The following KAZN variants were observed in gnomAD, a reference collection of about 807,000 sequenced individuals.
The protein encoded by KAZN is kazrin.
A neutral mutation model predicts 87.4 loss-of-function variants in KAZN; 40 were observed. That is an observed-to-expected ratio of 0.46 (90% confidence interval 0.36 to 0.60). The LOEUF is 0.60. Ranked by LOEUF, KAZN falls within the 20% of genes least tolerant of loss-of-function variation. The pLI is 0.00. For missense variants in KAZN, 898 were observed against 1,073.9 expected, an observed-to-expected ratio of 0.84 and a Z score of 2.29; for synonymous variants, 466 against 458.3, an observed-to-expected ratio of 1.02 and a Z score of -0.22.
At chr1:14,256,789 T>A (rs1650550228) in intron 2 of KAZN, among the ~76,000 whole-genome samples, 1 of 152,202 alleles carries the variant, frequency 6.6e-6, no homozygotes, top group Admixed American at 6.5e-5. Context: ...TGGCACAGGA[T>A]AGTAAACCTA....
intron 2 of KAZN, among the ~76,000 whole-genome samples, chr1:14,524,569 C>T (rs747548972): frequency 2.6e-5 from 4 of 152,162 alleles, no homozygotes; most frequent in South Asian, 2.1e-4. Context: ...ATTTTAAACA[C>T]TATTTTATGG....
intron 1 of KAZN, among the ~76,000 whole-genome samples, chr1:14,755,721 C>T (rs1644543996): frequency 1.3e-5 from 2 of 152,184 alleles, no homozygotes; most frequent in East Asian, 1.9e-4. Context: ...CAGGGCTCCA[C>T]GGGGTCCCTC....
chr1:14,438,708 G>A (rs1409911658), intron 2 of KAZN, among the ~76,000 whole-genome samples: 1 of 152,156 alleles, frequency 6.6e-6, no homozygotes, highest in Non-Finnish European at 1.5e-5. Context: ...CCACTGGAAG[G>A]GTTTTGGCTT....
intron 1 of KAZN, among the ~76,000 whole-genome samples, chr1:14,047,229 C>T (rs2101438001): frequency 6.6e-6 from 1 of 152,344 alleles, no homozygotes; most frequent in East Asian, 1.9e-4. Context: ...CACACCCCCT[C>T]TCGGTTCCTG....
intron 2 of KAZN, among the ~76,000 whole-genome samples, chr1:14,254,628 A>G (rs1455635891): frequency 1.3e-5 from 2 of 152,210 alleles, no homozygotes; most frequent in Non-Finnish European, 2.9e-5. Context: ...TTTACGGCTA[A>G]GCACCAGATA....
intron 1 of KAZN, among the ~76,000 whole-genome samples, chr1:14,118,688 A>G (rs919323224): frequency 6.6e-6 from 1 of 152,212 alleles, no homozygotes; most frequent in Non-Finnish European, 1.5e-5. Context: ...TGGTTGAATC[A>G]TGAGGATGTT....
At chr1:14,269,651 C>T (rs894763211) in intron 2 of KAZN, among the ~76,000 whole-genome samples, 10 of 152,120 alleles carry the variant, frequency 6.6e-5, no homozygotes, top group African/African-American at 1.7e-4. Context: ...GAAAACTCAG[C>T]GCACTGTTGT....
At chr1:14,362,528 G>A (rs1420678946) in intron 2 of KAZN, among the ~76,000 whole-genome samples, 2 of 152,210 alleles carry the variant, frequency 1.3e-5, no homozygotes, top group African/African-American at 4.8e-5. Flanking sequence ...GATCAGACAT[G>A]AGGATGAATG....
intron 1 of KAZN, among the ~76,000 whole-genome samples, chr1:14,885,981 T>C (rs1247080576): frequency 2.0e-5 from 3 of 152,086 alleles, no homozygotes; most frequent in Admixed American, 6.5e-5. Context: ...TTTAGCAACA[T>C]TCCTTACCTC....
intron 2 of KAZN, among the ~76,000 whole-genome samples, chr1:14,542,991 G>A (rs1159241296): frequency 7.9e-6 from 1 of 126,494 alleles, no homozygotes; most frequent in African/African-American, 3.0e-5. Context: ...ATAGCATTGG[G>A]TTGGGGGGGT....
chr1:14,361,580 C>T (rs1659516237), intron 2 of KAZN, among the ~76,000 whole-genome samples: 1 of 152,256 alleles, frequency 6.6e-6, no homozygotes, highest in Non-Finnish European at 1.5e-5. Context: ...GTGGTGTAGG[C>T]ACCCGAGAGA....
At chr1:13,914,396 G>C (rs1305753182) in intron 1 of KAZN, among the ~76,000 whole-genome samples, 1 of 152,258 alleles carries the variant, frequency 6.6e-6, no homozygotes, top group African/African-American at 2.4e-5. Flanking sequence ...GAATTGCACA[G>C]AACAGTACCT....
Position 14,593,604 on chromosome 1 carries a change from C to G in KAZN, c.250-5379C>G, listed in dbSNP as rs182534129. Among the ~76,000 whole-genome samples, 65 of 152,306 alleles carry G rather than the reference C, an allele frequency of 4.3e-4. No individual in the cohort carries two copies. The East Asian group carries it at 0.012, about 28-fold the overall frequency. On this transcript the variant is annotated intron_variant, in intron 2 of 16. Transcript: ENST00000636203. ...GACCTTCACCCCAGGGAGCCAAACT[C>G]TTGGGGACTTATCTCTCAAATCCTT...
At chr1:14,360,022 G>C (rs1047046227) in intron 2 of KAZN, among the ~76,000 whole-genome samples, 4 of 152,146 alleles carry the variant, frequency 2.6e-5, no homozygotes, top group African/African-American at 9.7e-5. Flanking sequence ...ATAATATTCT[G>C]AAGAGTGGAG....
intron 2 of KAZN, among the ~76,000 whole-genome samples, chr1:14,279,829 AC>A (rs1397941270): frequency 3.3e-5 from 5 of 152,170 alleles, no homozygotes; most frequent in Non-Finnish European, 5.9e-5. Flanking sequence ...AGTGACGAGA[AC>A]ATAAGGTGAG....
At chr1:14,167,777 G>A (rs1325153015) in intron 1 of KAZN, among the ~76,000 whole-genome samples, 1 of 152,074 alleles carries the variant, frequency 6.6e-6, no homozygotes, top group Non-Finnish European at 1.5e-5. Context: ...ATTTAGAGAA[G>A]TTAGGAAGGG....
At chr1:14,827,035 A>G (rs1646911140) in intron 1 of KAZN, among the ~76,000 whole-genome samples, 1 of 152,130 alleles carries the variant, frequency 6.6e-6, no homozygotes, top group Admixed American at 6.5e-5. Flanking sequence ...GAATCAGATG[A>G]TGTGCGGGAG....
At chr1:13,968,650 T>C (rs1376394898) in intron 1 of KAZN, among the ~76,000 whole-genome samples, 1 of 152,250 alleles carries the variant, frequency 6.6e-6, no homozygotes, top group Non-Finnish European at 1.5e-5. Context: ...TGGTTGATCC[T>C]TTCACGTGAC....
chr1:13,971,625 T>C (rs1204649079), intron 1 of KAZN, among the ~76,000 whole-genome samples: 1 of 152,016 alleles, frequency 6.6e-6, no homozygotes, highest in Non-Finnish European at 1.5e-5. Context: ...GTTGTTGTTG[T>C]ATCTGGGAAG....
Sources: allele counts gnomAD v4.1 joint callset (sites outside exome capture counted in the v4.1 genomes callset), GRCh38; gene constraint gnomAD v4.1.1; transcripts MANE v1.5; gene names NCBI Gene and HGNC (gene_info 2026-07-23, HGNC 2026-07-21).